Variants in RSF1 observed in about 807,000 individuals in gnomAD.
RSF1 encodes the protein remodeling and spacing factor 1.
A neutral mutation model predicts 145.2 loss-of-function variants in RSF1; 13 were observed. The ratio of observed to expected loss-of-function variants is 0.09; its 90% CI spans 0.06 to 0.14. RSF1 has a LOEUF of 0.14. RSF1 is among the 10% of genes least tolerant of loss of function. The pLI is 1.00. For missense variants in RSF1, 1,517 were observed against 1,718.2 expected (o/e 0.88, Z 2.07); for synonymous variants, 577 against 592.6 (o/e 0.97, Z 0.38).
At chr11:77,693,468 A>G (rs763135000) in intron 8 of RSF1, 39 bp downstream of exon 8, 4 of 1,302,140 alleles carry the variant, frequency 3.1e-6, no homozygotes, top group Admixed American at 1.7e-5. Flanking sequence ...ATTTGAATAC[A>G]AACTCAAAGA....
At chr11:77,686,917 T>C (rs753967514) in intron 9 of RSF1, among the ~76,000 whole-genome samples, 8 of 152,210 alleles carry the variant, frequency 5.3e-5, no homozygotes, top group Non-Finnish European at 1.0e-4. Context: ...AAATGTTGAA[T>C]GACTGCATAA....
intron 9 of RSF1, 44 bp from the exon 10 acceptor site, chr11:77,685,203 T>C: frequency 8.4e-7 from 1 of 1,189,776 alleles, no homozygotes; most frequent in Non-Finnish European, 1.2e-6. Context: ...TTGCAGAAAA[T>C]AAAACTGTTA....
At chr11:77,826,697 A>T in the RSF1 span, among the ~76,000 whole-genome samples, 2 of 152,226 alleles carry the variant, frequency 1.3e-5, no homozygotes, top group Non-Finnish European at 2.9e-5. Flanking sequence ...CTATAACTGT[A>T]TGCCTGCAAA....
intron 5 of RSF1, among the ~76,000 whole-genome samples, chr11:77,704,645 T>C (rs1960500354): frequency 1.3e-5 from 2 of 152,188 alleles, no homozygotes; most frequent in Non-Finnish European, 2.9e-5. Flanking sequence ...TCTTCATCTA[T>C]AAATAAAGCA....
intron 5 of RSF1, among the ~76,000 whole-genome samples, chr11:77,704,756 T>A (rs926755388): frequency 1.5e-4 from 22 of 150,144 alleles, no homozygotes; most frequent in African/African-American, 5.1e-4. Flanking sequence ...TGCCTTGGTT[T>A]TTTTTTTTTT....
intron 4 of RSF1, chr11:77,734,347 A>G: frequency 3.2e-6 from 2 of 619,572 alleles, no homozygotes; most frequent in Non-Finnish European, 5.6e-6. Flanking sequence ...AAGGAATGGC[A>G]CAAATCAAAG....
At chr11:77,777,350 T>C (rs1279686987) in intron 1 of RSF1, among the ~76,000 whole-genome samples, 1 of 151,964 alleles carries the variant, frequency 6.6e-6, no homozygotes, top group South Asian at 2.1e-4. Flanking sequence ...CCAGCACTTT[T>C]GGAGGCTGCA....
intron 2 of RSF1, among the ~76,000 whole-genome samples, chr11:77,749,998 T>C (rs1948044529): frequency 6.6e-6 from 1 of 152,114 alleles, no homozygotes; most frequent in Non-Finnish European, 1.5e-5. Flanking sequence ...TCGCCTGGCT[T>C]GGCATCCCCA....
chr11:77,729,593 C>CAA lies in RSF1; in HGVS notation c.579-3896_579-3895dup, dbSNP rs763731047. On this transcript the variant is annotated intron_variant, in intron 4 of 15. Coordinates refer to ENST00000308488, the MANE Select transcript of RSF1 (RefSeq NM_016578.4). The stretch of plus-strand genomic sequence containing the variant: ...CAGACGCCCCTGAACCCCAACCCCA[C>CAA]AAAAAAAAAAAAGTCAAGTATAGGC... Among the ~76,000 whole-genome samples the CAA allele has an allele frequency of 2.8e-3, 383 of 138,790 alleles. 3 individuals are homozygous for CAA. The highest frequency in any genetic ancestry group is 9.5e-3 in the African/African-American group (364 of 38,200). 91.1% of individuals were successfully genotyped at this position (138,790 alleles called of 152,430 possible).
In RSF1 at chr11:77,774,573, A is replaced by AAAATAAAT. The variant is rs59146627; in HGVS notation, c.188-9892_188-9885dup. On this transcript the variant is annotated intron_variant, in intron 1 of 15. Transcript: ENST00000308488. ...GCCACAGAGCGAGACTCTGTCTCAAAAAATAAATAAATAAATAAATAAATA... is the reference window on the plus strand; with the variant it reads ...GCCACAGAGCGAGACTCTGTCTCAAAAAATAAATAAATAAATAAATAAATAAATAAATA... Among the ~76,000 whole-genome samples, 828 of 133,122 alleles carry AAAATAAAT rather than the reference A, an allele frequency of 6.2e-3. 6 individuals carry two copies. The highest frequency in any genetic ancestry group is 7.4e-3 in the African/African-American group (266 of 36,120). The allele number at this position is 133,122 out of a possible 152,430, so 87.3% of individuals were successfully genotyped here.
intron 11 of RSF1, among the ~76,000 whole-genome samples, chr11:77,678,878 T>G (rs1001916715): frequency 1.3e-5 from 2 of 152,192 alleles, no homozygotes; most frequent in Admixed American, 1.3e-4. Flanking sequence ...CCTGCCAGTA[T>G]CTTGACCTTG....
intron 1 of RSF1, among the ~76,000 whole-genome samples, chr11:77,782,554 G>C (rs1948414892): frequency 6.7e-6 from 1 of 149,910 alleles, no homozygotes; most frequent in Non-Finnish European, 1.5e-5. Flanking sequence ...AAAAAAAAAA[G>C]AACAAGGATT....
chr11:77,804,526 T>C (rs926217798), intron 1 of RSF1, among the ~76,000 whole-genome samples: 4 of 152,202 alleles, frequency 2.6e-5, no homozygotes, highest in Non-Finnish European at 4.4e-5. Flanking sequence ...TACAGGTCTA[T>C]ATAAGCACAT....
intron 7 of RSF1, among the ~76,000 whole-genome samples, chr11:77,697,924 T>C (rs1171941593): frequency 6.6e-6 from 1 of 152,232 alleles, no homozygotes; most frequent in Non-Finnish European, 1.5e-5. Flanking sequence ...CATGTTTTTA[T>C]AGGAAGGCAG....
chr11:77,766,646 C>G (rs191863634), intron 1 of RSF1, among the ~76,000 whole-genome samples: 1 of 152,006 alleles, frequency 6.6e-6, no homozygotes, highest in Admixed American at 6.6e-5. Flanking sequence ...ATGCAAATAG[C>G]TAAAAAACCA....
At chr11:77,697,832 C>T (rs67291795) in intron 7 of RSF1, among the ~76,000 whole-genome samples, 27,348 of 151,644 alleles carry the variant, frequency 0.18, 3,134 homozygotes, top group African/African-American at 0.31. Context: ...CAAGCATTTA[C>T]CATTTGTTTT....
intron 9 of RSF1, among the ~76,000 whole-genome samples, chr11:77,687,296 G>T (rs559222495): frequency 6.6e-6 from 1 of 152,240 alleles, no homozygotes; most frequent in South Asian, 2.1e-4. Context: ...GTGCCAGACT[G>T]GTCTTCCTGT....
At chr11:77,846,757 G>A in the RSF1 span, among the ~76,000 whole-genome samples, 1 of 152,124 alleles carries the variant, frequency 6.6e-6, no homozygotes, top group African/African-American at 2.4e-5. Context: ...GGATTTCTTG[G>A]TGATCTCTCC....
At position 77,664,142 on chromosome 11, in the gene RSF1, G is replaced by A. The variant is rs1407190643; in HGVS notation, c.*2775C>T. 1 of 152,126 alleles carries A rather than the reference G, an allele frequency of 6.6e-6. No individual in the cohort carries two copies. Among genetic ancestry groups the A allele is most frequent in the Non-Finnish European group, 1.5e-5 (1 of 68,024 alleles). 9.4% of individuals were successfully genotyped at this position (152,126 alleles called of 1,614,324 possible). A position where few individuals can be genotyped will look rare whatever the true frequency, so the allele number is the denominator to read the frequency against. Reference sequence around the variant, plus strand: ...CAGAATACCTTCAGAGTGTATTTCAGTGATCATAAACTCTTTGAGGGACTG... The same window carrying A: ...CAGAATACCTTCAGAGTGTATTTCAATGATCATAAACTCTTTGAGGGACTG... On this transcript the variant is annotated 3_prime_UTR_variant, in exon 16 of 16. Coordinates refer to ENST00000308488, the MANE Select transcript of RSF1 (RefSeq NM_016578.4).
Sources: gnomAD v4.1 joint callset for allele counts (sites outside exome capture counted in the v4.1 genomes callset) on GRCh38, gnomAD v4.1.1 for gene constraint, MANE v1.5 for transcripts, NCBI Gene and HGNC (gene_info 2026-07-23, HGNC 2026-07-21) for gene names.